EFNA5: variants seen among roughly 807,000 people sequenced by gnomAD.
EFNA5 encodes ephrin A5, also known as ephrin-A5.
Under a neutral mutation model 22.9 loss-of-function variants are expected in EFNA5, and 5 were observed. The observed-to-expected ratio is 0.22, with a 90% CI of 0.11 to 0.46. The LOEUF (loss-of-function observed/expected upper bound fraction) is 0.46, where lower values mean the gene tolerates loss of function less well. EFNA5 is among the 20% of genes least tolerant of loss of function. The pLI is 0.99. For synonymous variants in EFNA5, 113 were observed against 112.2 expected (o/e 1.01, Z -0.04); for missense variants, 237 against 293.3 (o/e 0.81, Z 1.40).
chr5:107,615,590 C>T (rs1749897087), intron 1 of EFNA5, among the ~76,000 whole-genome samples: 1 of 152,192 alleles, frequency 6.6e-6, no homozygotes, highest in South Asian at 2.1e-4. Context: ...AAGATTAGAT[C>T]TTTGCCGAAA....
Position 107,670,719 on chromosome 5 carries a change from T to A in EFNA5, c.-106A>T, listed in dbSNP as rs1394340450. On this transcript the variant is annotated 5_prime_UTR_variant, in exon 1 of 5. Transcript: ENST00000333274. The stretch of plus-strand genomic sequence containing the variant: ...GGACAGAGAGAGAGCGGGCGCCAAA[T>A]AAATATGAATAAATAAAAATGAAAG... 2.8e-5 allele frequency: 40 copies of A among 1,431,450 alleles called. No homozygotes were observed. Among genetic ancestry groups the A allele is most frequent in the Middle Eastern group, 1.8e-4 (1 of 5,708 alleles). The allele number at this position is 1,431,450 out of a possible 1,614,324, so 88.7% of individuals were successfully genotyped here.
Position 107,522,003 on chromosome 5 carries a change from C to A in EFNA5, c.126-94494G>T, listed in dbSNP as rs560762888. On this transcript the variant is annotated intron_variant, in intron 1 of 4. Coordinates refer to ENST00000333274, the MANE Select transcript of EFNA5 (RefSeq NM_001962.3). The stretch of plus-strand genomic sequence containing the variant: ...CATCTTGCTAGGCATTTTATGCTTT[C>A]TTTTTCTGTTACAAGAGTGGACAAA... Among the ~76,000 whole-genome samples the A allele has an allele frequency of 1.4e-4, 22 of 152,160 alleles. 1 individual carries two copies. The highest frequency in any genetic ancestry group is 5.3e-4 in the African/African-American group (22 of 41,540).
intron 1 of EFNA5, among the ~76,000 whole-genome samples, chr5:107,511,536 TA>T (rs1173970291): frequency 6.6e-6 from 1 of 152,160 alleles, no homozygotes; most frequent in Non-Finnish European, 1.5e-5. Context: ...AATGGTATCC[TA>T]AAAAATACAC....
Position 107,650,532 on chromosome 5 carries a change from T to G in EFNA5, c.125+19957A>C, listed in dbSNP as rs563609755. ...CTTCAAGCATCTATGTATTGTTCCC[T>G]ATAGCTTAAAAATGATTATTTCTTG... On this transcript the variant is annotated intron_variant, in intron 1 of 4. Coordinates refer to ENST00000333274, the MANE Select transcript of EFNA5 (RefSeq NM_001962.3). Among the ~76,000 whole-genome samples the G allele has an allele frequency of 1.2e-4, 18 of 152,326 alleles. No individual in the cohort carries two copies. In the South Asian group the frequency reaches 3.5e-3, roughly 30 times the overall value.
At chr5:107,397,797 C>G (rs763932391) in intron 2 of EFNA5, among the ~76,000 whole-genome samples, 1 of 152,070 alleles carries the variant, frequency 6.6e-6, no homozygotes, top group South Asian at 2.1e-4. Context: ...TCGTTAGATA[C>G]CAGGATTGTA....
chr5:107,480,806 G>C (rs1466313760), intron 1 of EFNA5, among the ~76,000 whole-genome samples: 1 of 152,178 alleles, frequency 6.6e-6, no homozygotes, highest in Non-Finnish European at 1.5e-5. Context: ...TGGGAGTGAA[G>C]GCAAGTGGAA....
chr5:107,547,282 GC>G (rs1748185262), intron 1 of EFNA5, among the ~76,000 whole-genome samples: 1 of 152,120 alleles, frequency 6.6e-6, no homozygotes. Context: ...TCCCATAGAT[GC>G]CAGTACGGGA....
At chr5:107,522,021 TG>T (rs1217350806) in intron 1 of EFNA5, among the ~76,000 whole-genome samples, 39 of 152,194 alleles carry the variant, frequency 2.6e-4, no homozygotes, top group African/African-American at 8.4e-4. Context: ...GTTACAAGAG[TG>T]GACAAATCAT....
At chr5:107,425,292 G>A (rs1027438121) in intron 2 of EFNA5, among the ~76,000 whole-genome samples, 2 of 152,144 alleles carry the variant, frequency 1.3e-5, no homozygotes, top group Non-Finnish European at 2.9e-5. Flanking sequence ...TAGTTAGTGG[G>A]TATGTTCCTC....
intron 1 of EFNA5, among the ~76,000 whole-genome samples, chr5:107,506,497 G>A (rs570083306): frequency 6.6e-6 from 1 of 152,198 alleles, no homozygotes; most frequent in South Asian, 2.1e-4. Flanking sequence ...ACCTCACTCT[G>A]ATAGACCTTA....
rs1383650094 is a variant in EFNA5, at chr5:107,379,122, C to G, written c.*2133G>C. 6.6e-6 allele frequency: 1 copy of G among 152,136 alleles called. No individual in the cohort carries two copies. Among genetic ancestry groups the G allele is most frequent in the Non-Finnish European group, 1.5e-5 (1 of 68,030 alleles). 9.4% of individuals were successfully genotyped at this position (152,136 alleles called of 1,614,324 possible). ...GGCTGCCTTCTGTGATAAGACTCTG[C>G]CACTCCAGAGGAGTTCCTTATGTCA... On this transcript the variant is annotated 3_prime_UTR_variant, in exon 5 of 5. Transcript: ENST00000333274.
At chr5:107,526,496 A>G (rs1222695942) in intron 1 of EFNA5, among the ~76,000 whole-genome samples, 1 of 152,194 alleles carries the variant, frequency 6.6e-6, no homozygotes, top group East Asian at 1.9e-4. Flanking sequence ...GAACATGGCC[A>G]CCCTCTGTGA....
At chr5:107,634,060 C>CCA (rs1750318186) in intron 1 of EFNA5, among the ~76,000 whole-genome samples, 1 of 152,142 alleles carries the variant, frequency 6.6e-6, no homozygotes, top group Non-Finnish European at 1.5e-5. Flanking sequence ...GATCTCTTTA[C>CCA]CACACAGTAT....
chr5:107,515,532 C>T (rs547829804), intron 1 of EFNA5, among the ~76,000 whole-genome samples: 1 of 151,954 alleles, frequency 6.6e-6, no homozygotes, highest in African/African-American at 2.4e-5. Context: ...GCATGCGCCA[C>T]CACACCAGGC....
intron 1 of EFNA5, among the ~76,000 whole-genome samples, chr5:107,523,566 A>G (rs1225054164): frequency 2.0e-5 from 3 of 152,220 alleles, no homozygotes; most frequent in African/African-American, 7.2e-5. Flanking sequence ...ACAGTGGCAT[A>G]AAGAGAGTAT....
rs552630864 is a variant in EFNA5, at chr5:107,458,841, CA to C, written c.126-31333del. On this transcript the variant is annotated intron_variant, in intron 1 of 4. Transcript: ENST00000333274. ...GAAACTTTAATCATCCATTGTACATCAGGGGAAGAGACAGAATAATTTTAGT... is the reference window on the plus strand; with the variant it reads ...GAAACTTTAATCATCCATTGTACATCGGGGAAGAGACAGAATAATTTTAGT... 1.2e-3 allele frequency among the ~76,000 whole-genome samples: 180 copies of C among 152,208 alleles called. 1 individual carries two copies. Among genetic ancestry groups the C allele is most frequent in the African/African-American group, 3.5e-3 (144 of 41,542 alleles).
intron 1 of EFNA5, among the ~76,000 whole-genome samples, chr5:107,440,432 T>C (rs1023789261): frequency 4.6e-5 from 7 of 152,214 alleles, no homozygotes; most frequent in Admixed American, 6.5e-5. Flanking sequence ...GCACATGATC[T>C]TCCTATTGAA....
At chr5:107,608,274 A>G (rs1749762007) in intron 1 of EFNA5, among the ~76,000 whole-genome samples, 1 of 152,190 alleles carries the variant, frequency 6.6e-6, no homozygotes, top group Non-Finnish European at 1.5e-5. Context: ...TGGCTCCGCC[A>G]TTCTGTGATT....
chr5:107,536,179 C>G (rs958766920), intron 1 of EFNA5, among the ~76,000 whole-genome samples: 1 of 152,204 alleles, frequency 6.6e-6, no homozygotes, highest in Non-Finnish European at 1.5e-5. Context: ...TTTCAACATT[C>G]TCACTGCCAG....
Sources: allele counts gnomAD v4.1 joint callset (sites outside exome capture counted in the v4.1 genomes callset), GRCh38; gene constraint gnomAD v4.1.1; transcripts MANE v1.5; gene names NCBI Gene and HGNC (gene_info 2026-07-23, HGNC 2026-07-21).